TSGA10: variants seen among roughly 807,000 people sequenced by gnomAD.
TSGA10 encodes testis specific 10, also known as testis-specific gene 10 protein.
Under a neutral mutation model 96.6 loss-of-function variants are expected in TSGA10, and 43 were observed. That is an observed-to-expected ratio of 0.44 (90% confidence interval 0.35 to 0.57). The LOEUF is 0.57. Ranked by LOEUF, TSGA10 falls within the 20% of genes least tolerant of loss-of-function variation. The pLI is 0.01. For missense variants in TSGA10, 703 were observed against 834.4 expected (o/e 0.84, Z 1.94); for synonymous variants, 229 against 269.9 (o/e 0.85, Z 1.48).
At chr2:99,011,333 T>C (rs1175258604) in intron 20 of TSGA10, among the ~76,000 whole-genome samples, 1 of 152,162 alleles carries the variant, frequency 6.6e-6, no homozygotes, top group Non-Finnish European at 1.5e-5. Context: ...GATTTCGCCA[T>C]GTTGGCCAGG....
At chr2:99,001,958 C>A (rs1468439887) in intron 20 of TSGA10, among the ~76,000 whole-genome samples, 1 of 152,142 alleles carries the variant, frequency 6.6e-6, no homozygotes, top group Non-Finnish European at 1.5e-5. Flanking sequence ...AAGAAACGAA[C>A]AAAGCCTCCA....
chr2:99,112,421 T>C (rs1192246585), intron 4 of TSGA10, among the ~76,000 whole-genome samples: 1 of 152,088 alleles, frequency 6.6e-6, no homozygotes, highest in Non-Finnish European at 1.5e-5. Flanking sequence ...CCAGCTAGAA[T>C]AGACAATAAT....
In TSGA10 at chr2:99,014,928, A is replaced by G. The variant is rs746788976; in HGVS notation, c.2072+3272T>C. Among the ~76,000 whole-genome samples, 64 of 152,224 alleles carry G rather than the reference A, an allele frequency of 4.2e-4. 2 individuals are homozygous for G. Among genetic ancestry groups the G allele is most frequent in the Non-Finnish European group, 1.3e-4 (9 of 68,034 alleles). On this transcript the variant is annotated intron_variant, in intron 20 of 20. Coordinates refer to ENST00000393483, the MANE Select transcript of TSGA10 (RefSeq NM_025244.4). ...ATTCCTGGAGATATACAACTCTCCC[A>G]GATTAAATCAGGAAGACATAGAAAC...
chr2:99,050,705 T>C (rs1222868388), intron 16 of TSGA10, among the ~76,000 whole-genome samples: 1 of 152,018 alleles, frequency 6.6e-6, no homozygotes, highest in East Asian at 1.9e-4. Context: ...TTTTATTAGA[T>C]AATATACACT....
At chr2:99,124,986 C>A (rs965010443) in intron 2 of TSGA10, 1 of 152,138 alleles carries the variant, frequency 6.6e-6, no homozygotes, top group African/African-American at 2.4e-5. Flanking sequence ...TGACATGTAT[C>A]CACTATTAGT....
At chr2:99,001,009 G>T (rs539278789) in intron 20 of TSGA10, among the ~76,000 whole-genome samples, 134 of 152,326 alleles carry the variant, frequency 8.8e-4, no homozygotes, top group Non-Finnish European at 1.7e-3. Flanking sequence ...GCTCAATGAG[G>T]TCTGCCTATC....
chr2:99,110,323 C>T (rs2091688019), intron 5 of TSGA10, among the ~76,000 whole-genome samples: 1 of 152,182 alleles, frequency 6.6e-6, no homozygotes, highest in Non-Finnish European at 1.5e-5. Context: ...TTTAGAAACA[C>T]TTCTTTGACA....
At chr2:99,026,355 T>C (rs6704766) in intron 17 of TSGA10, among the ~76,000 whole-genome samples, 53,336 of 152,040 alleles carry the variant, frequency 0.35, 10,705 homozygotes, top group African/African-American at 0.55. Flanking sequence ...TTTTAAATGT[T>C]ATAGCTTTTA....
rs1258283849 is a variant in TSGA10, at chr2:99,110,926, A to C, written c.-139-11T>G. The C allele has an allele frequency of 8.5e-6, 6 of 707,768 alleles. No individual in the cohort carries two copies. The highest frequency in any genetic ancestry group is 1.0e-5 in the Non-Finnish European group (6 of 589,890). 43.8% of individuals were successfully genotyped at this position (707,768 alleles called of 1,614,324 possible). A position where few individuals can be genotyped will look rare whatever the true frequency, so the allele number is the denominator to read the frequency against. ...GCAAATGAGATCAATCTGAAGAAAAAGTAAAAAAAAAAAAAATTATTTCTA... is the reference window on the plus strand; with the variant it reads ...GCAAATGAGATCAATCTGAAGAAAACGTAAAAAAAAAAAAAATTATTTCTA... On this transcript the variant is annotated splice_polypyrimidine_tract_variant and intron_variant, in intron 4 of 20. Coordinates refer to ENST00000393483, the MANE Select transcript of TSGA10 (RefSeq NM_025244.4).
chr2:99,028,331 C>T (rs147557825), intron 17 of TSGA10, among the ~76,000 whole-genome samples: 6 of 152,210 alleles, frequency 3.9e-5, no homozygotes, highest in African/African-American at 1.2e-4. Flanking sequence ...TGTTGAGGTA[C>T]GATTGACAAA....
Position 99,072,965 on chromosome 2 carries a change from T to G in TSGA10, c.938+53A>C, listed in dbSNP as rs1323236713. On this transcript the variant is annotated intron_variant, in intron 13 of 20. Transcript: ENST00000393483. Reference sequence around the variant, plus strand: ...TTTCTTACTATCTTTGTACCTAACATGGTACTTGGCCCCCCAGTAAGAGCT... The same window carrying G: ...TTTCTTACTATCTTTGTACCTAACAGGGTACTTGGCCCCCCAGTAAGAGCT... 26 of 1,247,824 alleles carry G rather than the reference T, an allele frequency of 2.1e-5. 1 individual carries two copies. The African/African-American group carries it at 3.6e-4, about 17-fold the overall frequency. 77.3% of individuals were successfully genotyped at this position (1,247,824 alleles called of 1,614,324 possible). A position where few individuals can be genotyped will look rare whatever the true frequency, so the allele number is the denominator to read the frequency against.
At chr2:99,143,133 C>CTT (rs10605521) in intron 1 of TSGA10, among the ~76,000 whole-genome samples, 43 of 82,154 alleles carry the variant, frequency 5.2e-4, no homozygotes, top group African/African-American at 9.1e-4. Context: ...CCAACTAAAC[C>CTT]TTTTTTTTTT....
chr2:99,143,622 C>T (rs1338371975), intron 1 of TSGA10, among the ~76,000 whole-genome samples: 2 of 151,896 alleles, frequency 1.3e-5, no homozygotes, highest in East Asian at 3.9e-4. Context: ...AGGTATGTGC[C>T]ACCATGCCCA....
intron 1 of TSGA10, among the ~76,000 whole-genome samples, chr2:99,127,736 T>C (rs1247631462): frequency 6.6e-6 from 1 of 152,058 alleles, no homozygotes; most frequent in East Asian, 1.9e-4. Context: ...CTTTTAACCA[T>C]CACATGGCAA....
At position 99,000,686 on chromosome 2, in the gene TSGA10, C is replaced by A. The variant is rs1344966598; in HGVS notation, c.2073-2465G>T. Among the ~76,000 whole-genome samples the A allele has an allele frequency of 2.0e-5, 3 of 152,172 alleles. No homozygotes were observed. In the East Asian group the frequency reaches 5.8e-4, roughly 29 times the overall value. On this transcript the variant is annotated intron_variant, in intron 20 of 20. Transcript: ENST00000393483. ...GTGGGTGCAGCCCACAGAGTGTGAG[C>A]CAAAGCAGGGCAGGGCATCGCCTCA...
chr2:99,088,727 T>C (rs888463673), intron 10 of TSGA10, among the ~76,000 whole-genome samples: 7 of 152,190 alleles, frequency 4.6e-5, no homozygotes, highest in African/African-American at 1.4e-4. Flanking sequence ...AAAAGGCATA[T>C]GCAAAAATTT....
At chr2:99,143,458 CTT>C (rs772829065) in intron 1 of TSGA10, among the ~76,000 whole-genome samples, 6 of 141,172 alleles carry the variant, frequency 4.3e-5, no homozygotes, top group Admixed American at 7.1e-5. Context: ...TGCGCCCAGA[CTT>C]TTTTTTTTTT....
intron 13 of TSGA10, 68 bp from the exon 14 acceptor site, chr2:99,071,942 A>T: frequency 7.1e-7 from 1 of 1,400,324 alleles, no homozygotes; most frequent in Admixed American, 2.1e-5. Flanking sequence ...AATTCTCACA[A>T]GACAGAAGAT....
At chr2:99,136,798 C>CAAAAAAAAAAAAAAAAAAAAAAAAA (rs977980769) in intron 1 of TSGA10, among the ~76,000 whole-genome samples, 1 of 3,042 alleles carries the variant, frequency 3.3e-4, no homozygotes, top group Non-Finnish European at 1.1e-3. Context: ...GACTCCATCT[C>CAAAAAAAAAAAAAAAAAAAAAAAAA]AAAAAAAAAA....
Sources: gnomAD v4.1 joint callset for allele counts (sites outside exome capture counted in the v4.1 genomes callset) on GRCh38, gnomAD v4.1.1 for gene constraint, MANE v1.5 for transcripts, NCBI Gene and HGNC (gene_info 2026-07-23, HGNC 2026-07-21) for gene names.